Variants in SMPD3 observed in about 807,000 individuals in gnomAD.
The protein encoded by SMPD3 is nSMase-2.
SMPD3 carries 21 observed loss-of-function variants against 55.7 expected under a neutral mutation model. That is an observed-to-expected ratio of 0.38 (90% confidence interval 0.27 to 0.54). The LOEUF is 0.54. SMPD3 is among the 20% of genes least tolerant of loss of function. The pLI is 0.80. For synonymous variants in SMPD3, 457 were observed against 404.3 expected, an observed-to-expected ratio of 1.13 and a Z score of -1.56; for missense variants, 842 against 899.6, an observed-to-expected ratio of 0.94 and a Z score of 0.82.
intron 1 of SMPD3, among the ~76,000 whole-genome samples, chr16:68,446,484 T>TACAC (rs3978672): frequency 0.035 from 5,050 of 143,796 alleles, 115 homozygotes; most frequent in African/African-American, 0.066. Context: ...GTGGTTCATC[T>TACAC]ACACACACAC....
intron 1 of SMPD3, among the ~76,000 whole-genome samples, chr16:68,402,227 A>G (rs1163018477): frequency 1.3e-5 from 2 of 152,102 alleles, no homozygotes; most frequent in East Asian, 3.8e-4. Context: ...CCTGAGTGAT[A>G]CAGCACCTCA....
At position 68,363,607 on chromosome 16, in the gene SMPD3, G is replaced by C. The variant is rs1356735045; in HGVS notation, c.1646-48C>G. Reference sequence around the variant, plus strand: ...AGTGGTCGCTGCAGGCAGGGCCCAGGCAGCCTCTAGGGGGTGGCCTCTGTG... The same window carrying C: ...AGTGGTCGCTGCAGGCAGGGCCCAGCCAGCCTCTAGGGGGTGGCCTCTGTG... On this transcript the variant is annotated intron_variant, in intron 6 of 8. Transcript: ENST00000219334. 3.8e-6 allele frequency: 6 copies of C among 1,576,590 alleles called. No homozygotes were observed. The Admixed American group carries it at 6.7e-5, about 18-fold the overall frequency.
chr16:68,378,468 C>A (rs1041324366), intron 2 of SMPD3, among the ~76,000 whole-genome samples: 2 of 152,164 alleles, frequency 1.3e-5, no homozygotes, highest in Non-Finnish European at 2.9e-5. Context: ...GCTGTGGCAG[C>A]GGCTCCTACA....
chr16:68,365,653 C>T (rs984282614), intron 3 of SMPD3, among the ~76,000 whole-genome samples: 12 of 152,126 alleles, frequency 7.9e-5, no homozygotes, highest in Admixed American at 5.9e-4. Flanking sequence ...GCCGTGGTCC[C>T]GTTGTCACCC....
intron 1 of SMPD3, among the ~76,000 whole-genome samples, chr16:68,412,062 C>T (rs1190405255): frequency 6.6e-6 from 1 of 152,132 alleles, no homozygotes; most frequent in Non-Finnish European, 1.5e-5. Flanking sequence ...TGGGAAAGTG[C>T]AGTGCACGGG....
intron 2 of SMPD3, among the ~76,000 whole-genome samples, chr16:68,377,517 C>G (rs1406774982): frequency 6.6e-6 from 1 of 152,210 alleles, no homozygotes; most frequent in Non-Finnish European, 1.5e-5. Context: ...ACGGCACGGA[C>G]AGTGGGAGAC....
chr16:68,442,118 T>G (rs1199948488), intron 1 of SMPD3, among the ~76,000 whole-genome samples: 2 of 152,188 alleles, frequency 1.3e-5, no homozygotes, highest in East Asian at 3.8e-4. Context: ...AAGAAGCCTA[T>G]GTTAACGGAA....
At chr16:68,364,677 A>C (rs191016490) in intron 5 of SMPD3, 74 bp downstream of exon 5, 4 of 1,496,268 alleles carry the variant, frequency 2.7e-6, no homozygotes, top group African/African-American at 2.8e-5. Context: ...TGCCTAACGA[A>C]GTCTGTCTAG....
rs764089083 is a variant in SMPD3 at position 68,371,274 on chromosome 16, A to G, written c.908T>C (p.Val303Ala). Residue 303 changes from valine to alanine, a missense_variant, in exon 3 of 9, where the codon GTG becomes GCG. By Grantham distance (64) the Val-to-Ala change is moderately conservative. Around this residue, in one of 2 missense-constraint regions of SMPD3, gnomAD observed 649 missense variants for 643.6 expected, o/e 1.01. Coordinates refer to ENST00000219334, the MANE Select transcript of SMPD3 (RefSeq NM_018667.4). ...GGTGTCTGGCCCAGCTCGCCCCTTC[A>G]CCAGGGACTCCCGGGAGGCCGAGGG... ...GSPSASRESLVKGRAGPDTSA... is the reference protein window; with the variant it reads ...GSPSASRESLAKGRAGPDTSA... 1 of 1,605,674 alleles carries G rather than the reference A, an allele frequency of 6.2e-7. No individual in the cohort carries two copies. Among genetic ancestry groups the G allele is most frequent in the Admixed American group, 1.7e-5 (1 of 59,712 alleles).
Position 68,404,230 on chromosome 16 carries a change from G to T in SMPD3, c.-268-17571C>A, listed in dbSNP as rs2090234982. Among the ~76,000 whole-genome samples the T allele has an allele frequency of 6.6e-6, 1 of 150,920 alleles. No homozygotes were observed. Among genetic ancestry groups the T allele is most frequent in the East Asian group, 1.9e-4 (1 of 5,144 alleles). The stretch of plus-strand genomic sequence containing the variant: ...ATGGAGTTTCGCTCTTGTTGCCCAG[G>T]CTGGACATTACAGGCATGTGCTACC... On this transcript the variant is annotated intron_variant, in intron 1 of 8. Coordinates refer to ENST00000219334, the MANE Select transcript of SMPD3 (RefSeq NM_018667.4). The surrounding 1 kb of genome is among the most constrained non-coding windows in gnomAD (Gnocchi z 4.0).
intron 1 of SMPD3, among the ~76,000 whole-genome samples, chr16:68,408,666 G>C (rs1477066492): frequency 6.6e-6 from 1 of 152,184 alleles, no homozygotes; most frequent in African/African-American, 2.4e-5. Flanking sequence ...TCCTTAGGTA[G>C]AGGCTGTGTT....
At chr16:68,370,094 G>A (rs1196515000) in intron 3 of SMPD3, 1 of 152,278 alleles carries the variant, frequency 6.6e-6, no homozygotes, top group Non-Finnish European at 1.5e-5. Context: ...ACCATGAGCG[G>A]CTTTTGGATA....
intron 1 of SMPD3, among the ~76,000 whole-genome samples, chr16:68,435,599 C>A (rs2090517371): frequency 6.7e-6 from 1 of 149,192 alleles, no homozygotes; most frequent in East Asian, 2.1e-4. Context: ...ACGGTGGGGG[C>A]TGGCTGGGGT....
chr16:68,434,831 T>C (rs2090508898), intron 1 of SMPD3, among the ~76,000 whole-genome samples: 1 of 152,216 alleles, frequency 6.6e-6, no homozygotes, highest in African/African-American at 2.4e-5. Context: ...TATCTCAGCT[T>C]GCCCTTCTCA....
rs910030960 is a variant in SMPD3 at position 68,404,529 on chromosome 16, C to T, written c.-268-17870G>A. Among the ~76,000 whole-genome samples the T allele has an allele frequency of 6.6e-6, 1 of 152,124 alleles. No individual in the cohort carries two copies. The highest frequency in any genetic ancestry group is 1.5e-5 in the Non-Finnish European group (1 of 68,028). ...ATCCTGGAATCTCCATGGGCCTCAG[C>T]TTAGCAATTGTGAGGGTGGGTATGC... is the stretch of plus-strand genomic sequence containing the variant. On this transcript the variant is annotated intron_variant, in intron 1 of 8. Transcript: ENST00000219334. This position sits in a 1 kb window ranked among gnomAD's most constrained non-coding sequence, Gnocchi z 4.0.
At chr16:68,396,880 G>C (rs886282139) in intron 1 of SMPD3, among the ~76,000 whole-genome samples, 3 of 152,246 alleles carry the variant, frequency 2.0e-5, no homozygotes, top group Admixed American at 6.5e-5. Context: ...TGTGTTGTGA[G>C]TGCCTATAGC....
chr16:68,404,723 A>T lies in SMPD3; in HGVS notation c.-268-18064T>A, dbSNP rs1170807327. ...TTATCTTTGTATAGATGCTGGGGGC[A>T]TCAGGACAGCCTGAAACACTGTTTC... is the stretch of plus-strand genomic sequence containing the variant. On this transcript the variant is annotated intron_variant, in intron 1 of 8. Coordinates refer to ENST00000219334, the MANE Select transcript of SMPD3 (RefSeq NM_018667.4). This position sits in a 1 kb window ranked among gnomAD's most constrained non-coding sequence, Gnocchi z 4.0. Among the ~76,000 whole-genome samples the T allele has an allele frequency of 6.6e-6, 1 of 152,244 alleles. No homozygotes were observed. The highest frequency in any genetic ancestry group is 2.4e-5 in the African/African-American group (1 of 41,466).
intron 1 of SMPD3, among the ~76,000 whole-genome samples, chr16:68,431,640 G>A (rs2090480368): frequency 2.0e-5 from 3 of 152,156 alleles, no homozygotes; most frequent in Admixed American, 6.6e-5. Context: ...ACAGGATTTC[G>A]GCCGGGTGTC....
intron 2 of SMPD3, among the ~76,000 whole-genome samples, chr16:68,378,706 A>C (rs985754105): frequency 6.6e-6 from 1 of 152,100 alleles, no homozygotes; most frequent in Non-Finnish European, 1.5e-5. Flanking sequence ...TGAGCCACCC[A>C]GGCCACTCAG....
Sources: allele counts gnomAD v4.1 joint callset (sites outside exome capture counted in the v4.1 genomes callset), GRCh38; gene constraint gnomAD v4.1.1; regional missense constraint gnomAD v4.1.1; non-coding constraint Gnocchi (gnomAD v3.1); transcripts MANE v1.5; gene names NCBI Gene and HGNC (gene_info 2026-07-23, HGNC 2026-07-21).